FHIT: variants seen among roughly 807,000 people sequenced by gnomAD.
FHIT encodes fragile histidine triad diadenosine triphosphatase, also known as bis(5'-adenosyl)-triphosphatase.
Under a neutral mutation model 17.9 loss-of-function variants are expected in FHIT, and 19 were observed. The ratio of observed to expected loss-of-function variants is 1.06; its 90% CI spans 0.74 to 1.56. FHIT has a LOEUF of 1.56. FHIT is among the 40% of genes most tolerant of loss of function. The probability of loss-of-function intolerance (pLI) is 0.00; values close to 1 mark genes in which losing one functional copy is unlikely to be tolerated. For synonymous variants in FHIT, 81 were observed against 69.7 expected, an observed-to-expected ratio of 1.16 and a Z score of -0.81; for missense variants, 248 against 189.2, an observed-to-expected ratio of 1.31 and a Z score of -1.82.
At chr3:59,829,157 C>A (rs914372364) in intron 8 of FHIT, among the ~76,000 whole-genome samples, 2 of 152,286 alleles carry the variant, frequency 1.3e-5, no homozygotes, top group African/African-American at 4.8e-5. Context: ...GAACTAACGA[C>A]ATGAATTTCA....
intron 5 of FHIT, among the ~76,000 whole-genome samples, chr3:60,524,197 G>GACACACAC (rs56975783): frequency 6.2e-5 from 9 of 144,994 alleles, no homozygotes; most frequent in African/African-American, 2.4e-4. Flanking sequence ...GTCAGCCTGA[G>GACACACAC]ACACACACAC....
At chr3:61,076,764 G>C (rs919237856) in intron 2 of FHIT, among the ~76,000 whole-genome samples, 1 of 152,140 alleles carries the variant, frequency 6.6e-6, no homozygotes, top group African/African-American at 2.4e-5. Flanking sequence ...CAGGTGTTAA[G>C]AGGTAGAGGA....
intron 2 of FHIT, among the ~76,000 whole-genome samples, chr3:61,120,888 G>A (rs1040989835): frequency 6.6e-6 from 1 of 151,924 alleles, no homozygotes; most frequent in African/African-American, 2.4e-5. Context: ...AACCAGTTTA[G>A]AGAAAAACAT....
At chr3:60,282,171 T>A (rs1049055068) in intron 5 of FHIT, among the ~76,000 whole-genome samples, 1 of 152,186 alleles carries the variant, frequency 6.6e-6, no homozygotes, top group African/African-American at 2.4e-5. Flanking sequence ...TTTACTCAAC[T>A]GAGTTGAAAA....
intron 2 of FHIT, among the ~76,000 whole-genome samples, chr3:61,069,832 C>T (rs932747021): frequency 2.6e-5 from 4 of 152,214 alleles, no homozygotes; most frequent in Non-Finnish European, 5.9e-5. Flanking sequence ...GAGAATCAAG[C>T]TTCAGTCAGA....
At chr3:60,906,978 G>A (rs1254570871) in intron 3 of FHIT, among the ~76,000 whole-genome samples, 1 of 152,064 alleles carries the variant, frequency 6.6e-6, no homozygotes, top group Non-Finnish European at 1.5e-5. Flanking sequence ...AAGAAACAAC[G>A]TCAGCCCAGA....
At chr3:60,460,906 T>A (rs554698798) in intron 5 of FHIT, among the ~76,000 whole-genome samples, 1 of 152,206 alleles carries the variant, frequency 6.6e-6, no homozygotes, top group Non-Finnish European at 1.5e-5. Flanking sequence ...TCAACTTAAG[T>A]ACGTACAAAT....
chr3:60,288,629 G>A (rs184566543), intron 5 of FHIT, among the ~76,000 whole-genome samples: 4 of 150,520 alleles, frequency 2.7e-5, no homozygotes, highest in South Asian at 4.3e-4. Context: ...GTGTGTGCAC[G>A]CACACATGCC....
intron 5 of FHIT, among the ~76,000 whole-genome samples, chr3:60,202,475 GGT>G: frequency 6.6e-6 from 1 of 152,294 alleles, no homozygotes; most frequent in Non-Finnish European, 1.5e-5. Context: ...CACGGTGTGT[GGT>G]CAGGCACTAG....
chr3:59,894,577 T>C (rs1274743538), intron 8 of FHIT, among the ~76,000 whole-genome samples: 1 of 152,186 alleles, frequency 6.6e-6, no homozygotes, highest in Non-Finnish European at 1.5e-5. Context: ...AAGTCAAATC[T>C]ACACAGTTCT....
At chr3:60,735,524 A>T (rs559473438) in intron 4 of FHIT, among the ~76,000 whole-genome samples, 17 of 152,264 alleles carry the variant, frequency 1.1e-4, no homozygotes, top group East Asian at 7.7e-4. Context: ...GGAAGAATTT[A>T]AAAAAAATCT....
chr3:60,377,474 T>C (rs1291872347), intron 5 of FHIT, among the ~76,000 whole-genome samples: 10 of 114,422 alleles, frequency 8.7e-5, no homozygotes, highest in African/African-American at 3.0e-4. Flanking sequence ...CTTTTTTTTT[T>C]TTTTTTTTTT....
At chr3:60,820,840 A>G (rs1167015363) in intron 4 of FHIT, among the ~76,000 whole-genome samples, 2 of 152,208 alleles carry the variant, frequency 1.3e-5, no homozygotes, top group Non-Finnish European at 2.9e-5. Context: ...TTAAAGGAGT[A>G]AAGATGAGAT....
At chr3:60,386,350 G>A (rs553725854) in intron 5 of FHIT, among the ~76,000 whole-genome samples, 5 of 152,150 alleles carry the variant, frequency 3.3e-5, no homozygotes, top group East Asian at 1.9e-4. Flanking sequence ...GCACATTTGA[G>A]GGATTCAAGG....
rs972871432 is a variant in FHIT at position 60,941,925 on chromosome 3, G to C, written c.-111+100122C>G. 5.9e-5 allele frequency among the ~76,000 whole-genome samples: 9 copies of C among 152,270 alleles called. 1 individual carries two copies. The South Asian group carries it at 1.9e-3, about 32-fold the overall frequency. ...TCTGCCCTTTGCCCTGGTAAAATTA[G>C]GTTCCCTGTCAAACACTCTCACTTT... On this transcript the variant is annotated intron_variant, in intron 3 of 9. Transcript: ENST00000492590.
Position 60,582,106 on chromosome 3 carries a change from G to A in FHIT, c.-17-45127C>T, listed in dbSNP as rs370145262. 2.2e-4 allele frequency among the ~76,000 whole-genome samples: 34 copies of A among 152,188 alleles called. 1 individual carries two copies. The highest frequency in any genetic ancestry group is 8.2e-4 in the African/African-American group (34 of 41,554). On this transcript the variant is annotated intron_variant, in intron 4 of 9. Coordinates refer to ENST00000492590, the MANE Select transcript of FHIT (RefSeq NM_002012.4). Reference sequence around the variant, plus strand: ...TGGAGGCTGCACTTTGGAATCAAGTGTGTAGAGGGGACTTAAAAAATACTG... The same window carrying A: ...TGGAGGCTGCACTTTGGAATCAAGTATGTAGAGGGGACTTAAAAAATACTG...
At chr3:60,768,616 C>T (rs1553722159) in intron 4 of FHIT, among the ~76,000 whole-genome samples, 1 of 152,164 alleles carries the variant, frequency 6.6e-6, no homozygotes, top group African/African-American at 2.4e-5. Context: ...TCAGTGAATA[C>T]CAATGTGCTC....
At chr3:60,761,204 A>G (rs1000052788) in intron 4 of FHIT, among the ~76,000 whole-genome samples, 5 of 152,216 alleles carry the variant, frequency 3.3e-5, no homozygotes, top group Non-Finnish European at 1.5e-5. Flanking sequence ...CAAAAATTCC[A>G]AAAGAGCTAC....
At chr3:59,827,132 G>C (rs904784682) in intron 8 of FHIT, among the ~76,000 whole-genome samples, 1 of 152,116 alleles carries the variant, frequency 6.6e-6, no homozygotes, top group South Asian at 2.1e-4. Context: ...TAGCACAAAT[G>C]GTACCCCACC....
Sources: gnomAD v4.1 joint callset for allele counts (sites outside exome capture counted in the v4.1 genomes callset) on GRCh38, gnomAD v4.1.1 for gene constraint, MANE v1.5 for transcripts, NCBI Gene and HGNC (gene_info 2026-07-23, HGNC 2026-07-21) for gene names.